The following LAPTM4B variants were observed in gnomAD, a reference collection of about 807,000 sequenced individuals.
The protein encoded by LAPTM4B is lysosomal protein transmembrane 4 beta, also known as lysosomal-associated transmembrane protein 4B.
In LAPTM4B, 26 loss-of-function variants were observed where a neutral mutation model predicts 28.5. The ratio of observed to expected loss-of-function variants is 0.91; its 90% CI spans 0.67 to 1.27. The LOEUF (loss-of-function observed/expected upper bound fraction) is 1.27, where lower values mean the gene tolerates loss of function less well. LAPTM4B is among the 50% of genes most tolerant of loss of function. The pLI, the probability that LAPTM4B is intolerant of heterozygous loss-of-function variation, is 0.00. For missense variants in LAPTM4B, 288 were observed against 285.8 expected, an observed-to-expected ratio of 1.01 and a Z score of -0.06; for synonymous variants, 109 against 106.4, an observed-to-expected ratio of 1.02 and a Z score of -0.15.
In LAPTM4B at chr8:97,851,530, A is replaced by G. The variant is rs974212158; in HGVS notation, c.*56A>G. 5 of 1,293,800 alleles carry G rather than the reference A, an allele frequency of 3.9e-6. No homozygotes were observed. The African/African-American group carries it at 4.4e-5, about 11-fold the overall frequency. 80.1% of individuals were successfully genotyped at this position (1,293,800 alleles called of 1,614,324 possible). A position where few individuals can be genotyped will look rare whatever the true frequency, so the allele number is the denominator to read the frequency against. ...GCTTGACTTTGCAGACATCTGAGCAATAGTTCTGTTATTTCACTTTTGCCA... is the reference window on the plus strand; with the variant it reads ...GCTTGACTTTGCAGACATCTGAGCAGTAGTTCTGTTATTTCACTTTTGCCA... On this transcript the variant is annotated 3_prime_UTR_variant, in exon 7 of 7. Coordinates refer to ENST00000521545, the MANE Select transcript of LAPTM4B (RefSeq NM_018407.6).
intron 1 of LAPTM4B, among the ~76,000 whole-genome samples, chr8:97,788,894 C>T (rs892994521): frequency 6.6e-6 from 1 of 151,746 alleles, no homozygotes; most frequent in Non-Finnish European, 1.5e-5. Flanking sequence ...CGGGGTTTCA[C>T]CATGTTGACC....
chr8:97,828,320 G>A (rs112273922), intron 6 of LAPTM4B, among the ~76,000 whole-genome samples: 103 of 152,266 alleles, frequency 6.8e-4, no homozygotes, highest in African/African-American at 2.3e-3. Flanking sequence ...AGACCCTGGG[G>A]CAGGGGGTGA....
chr8:97,803,972 A>G (rs1348326826), intron 1 of LAPTM4B, among the ~76,000 whole-genome samples: 4 of 152,208 alleles, frequency 2.6e-5, no homozygotes, highest in Non-Finnish European at 5.9e-5. Flanking sequence ...AGGATATGCC[A>G]TTAGTTAGTG....
chr8:97,846,685 A>C (rs1203586603), intron 6 of LAPTM4B, among the ~76,000 whole-genome samples: 2 of 152,092 alleles, frequency 1.3e-5, no homozygotes, highest in Admixed American at 1.3e-4. Flanking sequence ...TTTGTTATTT[A>C]TTATTATTTG....
In LAPTM4B at chr8:97,851,569, G is replaced by A. The variant is rs199849083; in HGVS notation, c.*95G>A. The stretch of plus-strand genomic sequence containing the variant: ...TCACTTTTGCCATGAGCCTCTCTGA[G>A]CTTGTTTGTTGCTGAAATGCTACTT... On this transcript the variant is annotated 3_prime_UTR_variant, in exon 7 of 7. Coordinates refer to ENST00000521545, the MANE Select transcript of LAPTM4B (RefSeq NM_018407.6). 4,192 of 918,860 alleles carry A rather than the reference G, an allele frequency of 4.6e-3. 14 individuals are homozygous for A. Among genetic ancestry groups the A allele is most frequent in the Non-Finnish European group, 6.5e-3 (3,696 of 571,806 alleles). The allele number at this position is 918,860 out of a possible 1,614,324, so 56.9% of individuals were successfully genotyped here.
At chr8:97,788,009 TTTC>T (rs1257953165) in intron 1 of LAPTM4B, among the ~76,000 whole-genome samples, 1 of 152,140 alleles carries the variant, frequency 6.6e-6, no homozygotes, top group Non-Finnish European at 1.5e-5. Context: ...AATTTTTGTA[TTTC>T]TTTTTTAAAA....
intron 2 of LAPTM4B, among the ~76,000 whole-genome samples, chr8:97,806,616 T>A (rs1275981829): frequency 6.6e-6 from 1 of 152,158 alleles, no homozygotes; most frequent in East Asian, 1.9e-4. Context: ...TCTCCTAGAA[T>A]TCCCCTGTAT....
rs763025764 is a variant in LAPTM4B at position 97,776,014 on chromosome 8, A to G, written c.5A>G (p.Lys2Arg). 1.9e-6 allele frequency: 3 copies of G among 1,576,344 alleles called. No homozygotes were observed. Among genetic ancestry groups the G allele is most frequent in the South Asian group, 1.1e-5 (1 of 88,120 alleles). MKMVAPWTRFYS... is the reference protein window; with the variant it reads MRMVAPWTRFYS... ...CGCGCCACTGCGCCCGGAGCGATGA[A>G]GATGGTCGCGCCCTGGACGCGGTTC... Residue 2 changes from lysine (K) to arginine (R), a missense_variant, in exon 1 of 7, where the codon AAG becomes AGG. Coordinates refer to ENST00000521545, the MANE Select transcript of LAPTM4B (RefSeq NM_018407.6).
chr8:97,828,829 T>C (rs768599656), intron 6 of LAPTM4B, among the ~76,000 whole-genome samples: 6 of 152,166 alleles, frequency 3.9e-5, no homozygotes, highest in Non-Finnish European at 8.8e-5. Flanking sequence ...CCTGTTCCGA[T>C]TGCGGCAGTG....
chr8:97,800,566 GGCTCACGGTAACCTCC>G (rs1816658725), intron 1 of LAPTM4B, among the ~76,000 whole-genome samples: 1 of 136,442 alleles, frequency 7.3e-6, no homozygotes, highest in African/African-American at 2.8e-5. Context: ...ATGCAATCTC[GGCTCACGGTAACCTCC>G]GCCTCCCGGG....
chr8:97,819,727 CTTTTTTTTTTTT>C (rs532220760), intron 5 of LAPTM4B, among the ~76,000 whole-genome samples: 1 of 78,580 alleles, frequency 1.3e-5, no homozygotes, highest in Non-Finnish European at 2.4e-5. Context: ...GATAAATTTC[CTTTTTTTTTTTT>C]TTTTTTTTTT....
chr8:97,788,775 A>G (rs1291098213), intron 1 of LAPTM4B, among the ~76,000 whole-genome samples: 1 of 151,130 alleles, frequency 6.6e-6, no homozygotes, highest in East Asian at 1.9e-4. Context: ...GCTCACTGCA[A>G]CCTCCACCTC....
chr8:97,848,219 G>A (rs948153980), intron 6 of LAPTM4B, among the ~76,000 whole-genome samples: 2 of 152,150 alleles, frequency 1.3e-5, no homozygotes, highest in African/African-American at 2.4e-5. Flanking sequence ...CCGAGATCGC[G>A]CCACTGCACT....
chr8:97,817,461 T>TTG (rs1174256535), intron 4 of LAPTM4B, among the ~76,000 whole-genome samples: 3 of 148,580 alleles, frequency 2.0e-5, no homozygotes, highest in Non-Finnish European at 4.5e-5. Flanking sequence ...TTTTTTTTTT[T>TTG]TTTTGAGACA....
At chr8:97,851,164 A>G (rs1203003044) in intron 6 of LAPTM4B, among the ~76,000 whole-genome samples, 2 of 152,122 alleles carry the variant, frequency 1.3e-5, no homozygotes, top group East Asian at 3.9e-4. Flanking sequence ...ACCTCTGGCC[A>G]TCCAGCTACA....
intron 6 of LAPTM4B, among the ~76,000 whole-genome samples, chr8:97,829,548 A>G (rs1817147109): frequency 6.6e-6 from 1 of 152,022 alleles, no homozygotes; most frequent in African/African-American, 2.4e-5. Context: ...AGCAATGGGG[A>G]TAGTTGTCTG....
chr8:97,787,973 A>G lies in LAPTM4B; in HGVS notation c.99+11865A>G, dbSNP rs1586320346. 2.6e-5 allele frequency among the ~76,000 whole-genome samples: 4 copies of G among 152,318 alleles called. No homozygotes were observed. The South Asian group carries it at 8.3e-4, about 32-fold the overall frequency. On this transcript the variant is annotated intron_variant, in intron 1 of 6. Transcript: ENST00000521545. The stretch of plus-strand genomic sequence containing the variant: ...GCCAGCCTCCCAAGTAGCTGAGATT[A>G]TAGGCACCTGCCAACATGCCCAGCT...
intron 1 of LAPTM4B, among the ~76,000 whole-genome samples, chr8:97,782,069 C>T: frequency 6.6e-6 from 1 of 150,980 alleles, no homozygotes. Flanking sequence ...CAACCTCCGA[C>T]TCCCAGGTTC....
chr8:97,832,686 A>ATTTTATTTTATTTTG (rs1817200107), intron 6 of LAPTM4B, among the ~76,000 whole-genome samples: 1 of 76,402 alleles, frequency 1.3e-5, no homozygotes, highest in South Asian at 4.5e-4. Context: ...TTTTTATTTT[A>ATTTTATTTTATTTTG]TTTTATTTTA....
Sources: gnomAD v4.1 joint callset for allele counts (sites outside exome capture counted in the v4.1 genomes callset) on GRCh38, gnomAD v4.1.1 for gene constraint, MANE v1.5 for transcripts, NCBI Gene and HGNC (gene_info 2026-07-23, HGNC 2026-07-21) for gene names.